The following CDHR2 variants were observed in gnomAD, a reference collection of about 807,000 sequenced individuals.
CDHR2 encodes the protein cadherin related family member 2.
CDHR2 carries 104 observed loss-of-function variants against 138.6 expected under a neutral mutation model. That is an observed-to-expected ratio of 0.75 (90% confidence interval 0.64 to 0.88). The LOEUF (loss-of-function observed/expected upper bound fraction) is 0.88. Among genes scored for constraint, CDHR2 ranks in the 40% least tolerant of loss-of-function variants. The pLI, the probability that CDHR2 is intolerant of heterozygous loss-of-function variation, is 0.00. For missense variants in CDHR2, 1,624 were observed against 1,727.6 expected (o/e 0.94, Z 1.06); for synonymous variants, 755 against 742.8 (o/e 1.02, Z -0.27).
rs535765571 is a variant in CDHR2, at chr5:176,558,809, C to T, written c.-15-6529C>T. Among the ~76,000 whole-genome samples, 24 of 152,312 alleles carry T rather than the reference C, an allele frequency of 1.6e-4. No individual in the cohort carries two copies. The South Asian group carries it at 4.4e-3, about 28-fold the overall frequency. Reference sequence around the variant, plus strand: ...TGCTGGGATTACGGGCGTGAGCCACCGCGCCCGGTTGCTTGCTTAGTTTTC... The same window carrying T: ...TGCTGGGATTACGGGCGTGAGCCACTGCGCCCGGTTGCTTGCTTAGTTTTC... On this transcript the variant is annotated intron_variant, in intron 1 of 31. Coordinates refer to ENST00000261944, the MANE Select transcript of CDHR2 (RefSeq NM_017675.6).
intron 29 of CDHR2, 38 bp downstream of exon 29, chr5:176,591,361 G>T (rs746663272): frequency 1.9e-6 from 3 of 1,608,458 alleles, no homozygotes; most frequent in East Asian, 4.5e-5. Flanking sequence ...AGGCCTGGTG[G>T]GGTGGCTGAG....
In CDHR2 at chr5:176,584,451, A is replaced by T; in HGVS notation, c.2170A>T (p.Thr724Ser). The part of the protein sequence containing the change: ...GVVKAWDADQ[T>S]EANNRISFSL... ...GGTGAAGGCCTGGGACGCGGACCAG[A>T]CGGAAGCCAACAACCGCATCAGCTT... Residue 724 changes from threonine to serine, a missense_variant, in exon 19 of 32, where the codon ACG becomes TCG. Around this residue, in one of 3 missense-constraint regions of CDHR2, gnomAD observed 1,061 missense variants for 1,136.6 expected, o/e 0.93. Coordinates refer to ENST00000261944, the MANE Select transcript of CDHR2 (RefSeq NM_017675.6). 2 of 1,606,118 alleles carry T rather than the reference A, an allele frequency of 1.2e-6. No individual in the cohort carries two copies. The highest frequency in any genetic ancestry group is 1.7e-6 in the Non-Finnish European group (2 of 1,175,316).
At position 176,543,906 on chromosome 5, in the gene CDHR2, C is replaced by T. The variant is rs1403409295; in HGVS notation, c.-16+1137C>T. On this transcript the variant is annotated intron_variant, in intron 1 of 31. Transcript: ENST00000510636. This position sits in a 1 kb window ranked among gnomAD's most constrained non-coding sequence, Gnocchi z 4.0. The stretch of plus-strand genomic sequence containing the variant: ...GGAGGGATTACGTTCCCCGCAACCC[C>T]TGTGTCCCCATCGCTAGAGCCAACC... Among the ~76,000 whole-genome samples, 1 of 152,240 alleles carries T rather than the reference C, an allele frequency of 6.6e-6. No individual in the cohort carries two copies. Among genetic ancestry groups the T allele is most frequent in the African/African-American group, 2.4e-5 (1 of 41,470 alleles).
At position 176,543,073 on chromosome 5, in the gene CDHR2, G is replaced by C. The variant is rs1168288994; in HGVS notation, c.-16+304G>C. The stretch of plus-strand genomic sequence containing the variant: ...TGGGGCGTTTGGACCTAGCGGACGG[G>C]GAGAAGAGCGGCGCAGCTCCCGCTG... On this transcript the variant is annotated intron_variant, in intron 1 of 31. Coordinates refer to the CDHR2 transcript ENST00000510636. This position sits in a 1 kb window ranked among gnomAD's most constrained non-coding sequence, Gnocchi z 4.0. Among the ~76,000 whole-genome samples the C allele has an allele frequency of 6.6e-6, 1 of 151,806 alleles. No individual in the cohort carries two copies. Among genetic ancestry groups the C allele is most frequent in the Non-Finnish European group, 1.5e-5 (1 of 67,850 alleles).
intron 24 of CDHR2, 55 bp from the exon 25 acceptor site, chr5:176,590,023 G>A (rs1581150723): frequency 6.9e-7 from 1 of 1,440,042 alleles, no homozygotes; most frequent in East Asian, 2.3e-5. Flanking sequence ...GCACAGCCCT[G>A]GCCACAGGCC....
intron 3 of CDHR2, chr5:176,567,176 T>TC: frequency 2.9e-6 from 1 of 348,974 alleles, no homozygotes; most frequent in Non-Finnish European, 5.7e-6. Flanking sequence ...ACAGGACTTT[T>TC]TTTTTTTTTT....
chr5:176,588,037 C>A (rs1758709634), intron 21 of CDHR2, among the ~76,000 whole-genome samples: 1 of 152,160 alleles, frequency 6.6e-6, no homozygotes, highest in Admixed American at 6.5e-5. Flanking sequence ...GCTCTGTGTG[C>A]TGGTTAAATT....
At position 176,590,142 on chromosome 5, in the gene CDHR2, G is replaced by C. The variant is rs771874438; in HGVS notation, c.3271G>C (p.Ala1091Pro). 4 of 1,613,694 alleles carry C rather than the reference G, an allele frequency of 2.5e-6. No individual in the cohort carries two copies. In the African/African-American group the frequency reaches 4.0e-5, roughly 16 times the overall value. The part of the protein sequence containing the change: ...IVDIQDIDSA[A>P]RARPHSYLDA... ...GGACATTCAGGACATAGATTCTGCA[G>C]CTCGGTGAGTGCCCAGAGGCCTGGG... The change falls in exon 25 of 32, where the codon GCT (alanine) becomes CCT (proline). Residue 1091 changes from alanine to proline, a missense_variant. Ala to Pro is a conservative substitution (Grantham distance 27). Transcript: ENST00000261944.
At chr5:176,582,923 G>A (rs757780538) in intron 17 of CDHR2, among the ~76,000 whole-genome samples, 1 of 152,224 alleles carries the variant, frequency 6.6e-6, no homozygotes, top group Non-Finnish European at 1.5e-5. Context: ...TGACAAATGT[G>A]CACCTCTGCC....
At chr5:176,592,473 G>A (rs1298647525) in intron 30 of CDHR2, among the ~76,000 whole-genome samples, 2 of 150,398 alleles carry the variant, frequency 1.3e-5, no homozygotes, top group Non-Finnish European at 3.0e-5. Flanking sequence ...TGGTGTTGGT[G>A]TTGAGGTGAT....
intron 1 of CDHR2, among the ~76,000 whole-genome samples, chr5:176,558,444 TGCGATTTCG>T (rs1456670995): frequency 6.7e-6 from 1 of 148,336 alleles, no homozygotes; most frequent in East Asian, 2.0e-4. Context: ...AGTGCGATGG[TGCGATTTCG>T]GCCCACTGCA....
At chr5:176,574,316 C>T in intron 7 of CDHR2, 144 bp downstream of exon 7, 1 of 645,436 alleles carries the variant, frequency 1.5e-6, no homozygotes, top group Admixed American at 2.5e-5. Flanking sequence ...CTCTGGCCAC[C>T]AGCCCCCCTC....
rs111350113 is a variant in CDHR2 at position 176,559,583 on chromosome 5, C to G, written c.-15-5755C>G. On this transcript the variant is annotated intron_variant, in intron 1 of 31. Coordinates refer to ENST00000261944, the MANE Select transcript of CDHR2 (RefSeq NM_017675.6). The stretch of plus-strand genomic sequence containing the variant: ...CTTTCCCTGTTTTCCTTCTCTGTTT[C>G]TCTTTCTGGGACTTCTATTAATCAG... Among the ~76,000 whole-genome samples the G allele has an allele frequency of 2.8e-3, 431 of 152,304 alleles. 2 individuals carry two copies. Among genetic ancestry groups the G allele is most frequent in the African/African-American group, 9.6e-3 (399 of 41,578 alleles).
chr5:176,577,972 T>C, intron 14 of CDHR2, 62 bp from the exon 15 acceptor site: 1 of 1,546,120 alleles, frequency 6.5e-7, no homozygotes, highest in Non-Finnish European at 8.9e-7. Flanking sequence ...CCCCACGAGC[T>C]GCATGGGTGG....
At chr5:176,588,203 AGT>A (rs34456498) in intron 21 of CDHR2, among the ~76,000 whole-genome samples, 46,561 of 151,724 alleles carry the variant, frequency 0.31, 7,437 homozygotes, top group African/African-American at 0.41. Flanking sequence ...TGTGCACGCC[AGT>A]GTGTGTGTGT....
Position 176,571,247 on chromosome 5 carries a change from G to A in CDHR2, c.350G>A (p.Arg117Lys), listed in dbSNP as rs1303725476. The change falls in exon 6 of 32, where the codon AGA becomes AAA. Residue 117 changes from arginine to lysine, a missense_variant. Around this residue, in one of 3 missense-constraint regions of CDHR2, gnomAD observed 1,061 missense variants for 1,136.6 expected, o/e 0.93. Transcript: ENST00000261944. ...QREMLVIVED[R>K]NDNAPVFQNT... ...GAGATGCTGGTGATTGTGGAAGATA[G>A]AAACGACAACGCACCCGTTTTCCAG... 1.2e-6 allele frequency: 2 copies of A among 1,612,152 alleles called. No individual in the cohort carries two copies. Among genetic ancestry groups the A allele is most frequent in the Non-Finnish European group, 1.7e-6 (2 of 1,179,236 alleles).
Position 176,590,417 on chromosome 5 carries a change from G to A in CDHR2, c.3354-8G>A, listed in dbSNP as rs1210704694. 6 of 1,614,006 alleles carry A rather than the reference G, an allele frequency of 3.7e-6. No individual in the cohort carries two copies. The highest frequency in any genetic ancestry group is 5.1e-6 in the Non-Finnish European group (6 of 1,179,994). On this transcript the variant is annotated splice_polypyrimidine_tract_variant and splice_region_variant and intron_variant, in intron 26 of 31. Coordinates refer to ENST00000261944, the MANE Select transcript of CDHR2 (RefSeq NM_017675.6). The stretch of plus-strand genomic sequence containing the variant: ...GTCCCTCGGGCCTAAGTGGAGTTCT[G>A]TGGCCAGGATGATCCGGAATGATCA...
At chr5:176,571,396 A>G (rs10075586) in intron 6 of CDHR2, 94 bp downstream of exon 6, 199,521 of 850,630 alleles carry the variant, frequency 0.23, 26,673 homozygotes, top group East Asian at 0.48. Flanking sequence ...GGGCATTCAG[A>G]GTTGGGAAAA....
chr5:176,560,284 T>C (rs1187822803), intron 1 of CDHR2, among the ~76,000 whole-genome samples: 1 of 152,002 alleles, frequency 6.6e-6, no homozygotes, highest in Non-Finnish European at 1.5e-5. Flanking sequence ...TAATCCCAGC[T>C]ACTCGGGAGG....
Sources: allele counts gnomAD v4.1 joint callset (sites outside exome capture counted in the v4.1 genomes callset), GRCh38; gene constraint gnomAD v4.1.1; regional missense constraint gnomAD v4.1.1; non-coding constraint Gnocchi (gnomAD v3.1); transcripts MANE v1.5; gene names NCBI Gene and HGNC (gene_info 2026-07-23, HGNC 2026-07-21).